The following EPRS1 variants were observed in gnomAD, a reference collection of about 807,000 sequenced individuals.
EPRS1 encodes the protein glutamyl-prolyl-tRNA synthetase 1.
Under a neutral mutation model 188.3 loss-of-function variants are expected in EPRS1, and 107 were observed. The observed-to-expected ratio is 0.57, with a 90% CI of 0.49 to 0.67. The LOEUF is 0.67. EPRS1 is among the 30% of genes least tolerant of loss of function. The pLI is 0.00. For missense variants in EPRS1, 1,577 were observed against 1,802.2 expected (o/e 0.88, Z 2.26); for synonymous variants, 596 against 593.1 (o/e 1.00, Z -0.07).
intron 30 of EPRS1, 46 bp downstream of exon 30, chr1:219,972,023 T>C (rs1325555775): frequency 1.7e-6 from 2 of 1,202,356 alleles, no homozygotes; most frequent in Non-Finnish European, 2.4e-6. Context: ...TAAAATACAA[T>C]TTACTTAAAT....
At chr1:220,012,421 G>A (rs920824842) in intron 12 of EPRS1, among the ~76,000 whole-genome samples, 17 of 152,116 alleles carry the variant, frequency 1.1e-4, no homozygotes, top group African/African-American at 4.1e-4. Context: ...TGTTTCCTCC[G>A]CTGCCAAAAG....
At chr1:220,028,452 AAC>A (rs144947365) in intron 6 of EPRS1, among the ~76,000 whole-genome samples, 26,430 of 115,204 alleles carry the variant, frequency 0.23, 3,878 homozygotes, top group East Asian at 0.47. Flanking sequence ...GAATCGCTAA[AAC>A]ACACACACAC....
Position 220,010,148 on chromosome 1 carries a change from A to G in EPRS1, c.1605+798T>C, listed in dbSNP as rs1661571880. 2.0e-5 allele frequency among the ~76,000 whole-genome samples: 3 copies of G among 151,166 alleles called. No homozygotes were observed. In the South Asian group the frequency reaches 6.2e-4, roughly 31 times the overall value. The stretch of plus-strand genomic sequence containing the variant: ...GAATTTAGATGGACCCTTCACTTAT[A>G]CTTTCCAAACAGAGGAAATGACAGT... On this transcript the variant is annotated intron_variant, in intron 13 of 31. Transcript: ENST00000366923.
intron 1 of EPRS1, among the ~76,000 whole-genome samples, chr1:220,043,906 G>C (rs1016344272): frequency 6.6e-6 from 1 of 152,144 alleles, no homozygotes; most frequent in African/African-American, 2.4e-5. Flanking sequence ...ACTATGGAGG[G>C]TCTGGTTGTA....
intron 30 of EPRS1, among the ~76,000 whole-genome samples, chr1:219,969,477 A>G (rs981239978): frequency 1.3e-5 from 2 of 152,118 alleles, no homozygotes; most frequent in African/African-American, 4.8e-5. Context: ...TGCTCTACCT[A>G]TCTAAATAGT....
intron 17 of EPRS1, among the ~76,000 whole-genome samples, chr1:220,000,130 G>C (rs1029631572): frequency 6.6e-6 from 1 of 152,154 alleles, no homozygotes; most frequent in African/African-American, 2.4e-5. Flanking sequence ...TTTTCGGTAT[G>C]TGATTTTGCA....
At chr1:220,037,048 G>T (rs1662194842) in intron 2 of EPRS1, among the ~76,000 whole-genome samples, 1 of 151,744 alleles carries the variant, frequency 6.6e-6, no homozygotes, top group African/African-American at 2.4e-5. Flanking sequence ...AAAAAAATGG[G>T]CCAGGCATGT....
chr1:219,993,290 TTA>T (rs1354195540), intron 18 of EPRS1, among the ~76,000 whole-genome samples: 1 of 152,214 alleles, frequency 6.6e-6, no homozygotes, highest in African/African-American at 2.4e-5. Context: ...TTCAGTGTTA[TTA>T]TATCTTTGGT....
At chr1:219,983,089 A>G in intron 22 of EPRS1, 100 bp downstream of exon 22, 1 of 976,300 alleles carries the variant, frequency 1.0e-6, no homozygotes, top group South Asian at 1.6e-5. Context: ...TTTTAATAAA[A>G]ATGGCTTTAT....
At chr1:220,018,964 C>A in intron 11 of EPRS1, 31 bp downstream of exon 11, 1 of 1,475,722 alleles carries the variant, frequency 6.8e-7, no homozygotes, top group Non-Finnish European at 9.5e-7. Context: ...AAATTTCAAA[C>A]AGACAAGCTG....
In EPRS1 at chr1:219,984,198, A is replaced by C. The variant is rs773720514; in HGVS notation, c.3090+8T>G. 6.2e-7 allele frequency: 1 copy of C among 1,609,438 alleles called. No individual in the cohort carries two copies. Among genetic ancestry groups the C allele is most frequent in the Non-Finnish European group, 8.5e-7 (1 of 1,175,924 alleles). On this transcript the variant is annotated splice_region_variant and intron_variant, in intron 21 of 31. Transcript: ENST00000366923. The stretch of plus-strand genomic sequence containing the variant: ...TAAAACATAAAAATCAACTGAATGC[A>C]TACTCACCTGAGAATACCAATCAGC...
At chr1:219,985,993 A>C (rs548611127) in intron 20 of EPRS1, among the ~76,000 whole-genome samples, 107 of 152,350 alleles carry the variant, frequency 7.0e-4, no homozygotes, top group Non-Finnish European at 1.1e-3. Context: ...AAAGGTGAGA[A>C]GTTCTACATT....
chr1:220,033,552 A>C lies in EPRS1; in HGVS notation c.338T>G (p.Val113Gly), dbSNP rs1662124079. 1 of 1,612,682 alleles carries C rather than the reference A, an allele frequency of 6.2e-7. No individual in the cohort carries two copies. The highest frequency in any genetic ancestry group is 8.5e-7 in the Non-Finnish European group (1 of 1,179,018). ...NHCLSLRTYL[V>G]GNSLSLADLC... is the part of the protein sequence containing the mutation. Reference sequence around the variant, plus strand: ...ATCTGCTAAACTCAAGGAGTTTCCAACTAAGTATGTTCTCAGAGACAGGCA... The same window carrying C: ...ATCTGCTAAACTCAAGGAGTTTCCACCTAAGTATGTTCTCAGAGACAGGCA... Residue 113 changes from valine (V) to glycine (G), a missense_variant, in exon 4 of 32, where the codon GTT becomes GGT. Val to Gly is a moderately radical substitution (Grantham distance 109). This residue lies in a region of EPRS1 where 1,278 missense variants were observed against 1,457.4 expected (regional missense o/e 0.88). Coordinates refer to ENST00000366923, the MANE Select transcript of EPRS1 (RefSeq NM_004446.3).
At chr1:219,980,017 G>T in intron 26 of EPRS1, 68 bp downstream of exon 26, 2 of 1,330,332 alleles carry the variant, frequency 1.5e-6, no homozygotes, top group Non-Finnish European at 2.1e-6. Context: ...GATGACAGAA[G>T]AAATTATTGG....
chr1:219,979,963 A>G, intron 26 of EPRS1, 122 bp downstream of exon 26: 1 of 837,994 alleles, frequency 1.2e-6, no homozygotes, highest in South Asian at 1.9e-5. Context: ...AAATTATTAT[A>G]CGAAAGTACA....
In EPRS1 at chr1:220,006,204, G is replaced by A; in HGVS notation, c.1852C>T (p.Pro618Ser). 6.2e-7 allele frequency: 1 copy of A among 1,606,482 alleles called. No individual in the cohort carries two copies. Among genetic ancestry groups the A allele is most frequent in the Non-Finnish European group, 8.5e-7 (1 of 1,175,056 alleles). Residue 618 changes from proline (P) to serine (S), a missense_variant, in exon 15 of 32, where the codon CCT becomes TCT. Physicochemically the swap from Pro to Ser is moderately conservative, Grantham distance 74. Around this residue, in one of 3 missense-constraint regions of EPRS1, gnomAD observed 1,278 missense variants for 1,457.4 expected, o/e 0.88. Coordinates refer to ENST00000366923, the MANE Select transcript of EPRS1 (RefSeq NM_004446.3). ...TAAGTGACACAGATTACTGGAATAG[G>A]AAGAGCATGTGTAGTCTCTGCAAGC... ...TWLAETTHAL[P>S]IPVICVTYEH...
chr1:219,999,740 G>A (rs1661307062), intron 17 of EPRS1, among the ~76,000 whole-genome samples: 1 of 152,116 alleles, frequency 6.6e-6, no homozygotes, highest in South Asian at 2.1e-4. Flanking sequence ...TTGGGAGGCC[G>A]AGGTGGGCAG....
At chr1:219,972,026 A>T in intron 30 of EPRS1, 43 bp downstream of exon 30, 1 of 1,209,284 alleles carries the variant, frequency 8.3e-7, no homozygotes, top group Non-Finnish European at 1.2e-6. Flanking sequence ...AATACAATTT[A>T]CTTAAATATT....
intron 5 of EPRS1, among the ~76,000 whole-genome samples, chr1:220,031,964 TAAA>T (rs1662091541): frequency 6.6e-6 from 1 of 152,190 alleles, no homozygotes; most frequent in Non-Finnish European, 1.5e-5. Flanking sequence ...AACCAAGACT[TAAA>T]AATGTCAGAT....
Sources: gnomAD v4.1 joint callset for allele counts (sites outside exome capture counted in the v4.1 genomes callset) on GRCh38, gnomAD v4.1.1 for gene constraint, gnomAD v4.1.1 regional missense constraint, MANE v1.5 for transcripts, NCBI Gene and HGNC (gene_info 2026-07-23, HGNC 2026-07-21) for gene names.